LCOR: variants seen among roughly 807,000 people sequenced by gnomAD.
The protein encoded by LCOR is ligand dependent nuclear receptor corepressor, also known as ligand-dependent corepressor.
A neutral mutation model predicts 64.4 loss-of-function variants in LCOR; 14 were observed. The observed-to-expected ratio is 0.22, with a 90% CI of 0.14 to 0.34. The LOEUF (loss-of-function observed/expected upper bound fraction) is 0.34. Ranked by LOEUF, LCOR falls within the 10% of genes least tolerant of loss-of-function variation. The pLI is 1.00. For synonymous variants in LCOR, 643 were observed against 642.5 expected (o/e 1.00, Z -0.01); for missense variants, 1,686 against 1,765.3 (o/e 0.96, Z 0.80).
At chr10:96,838,241 A>G (rs1190390544) in intron 2 of LCOR, among the ~76,000 whole-genome samples, 1 of 152,168 alleles carries the variant, frequency 6.6e-6, no homozygotes, top group East Asian at 1.9e-4. Context: ...AGTTATTTCA[A>G]ATACAAGGTT....
intron 4 of LCOR, chr10:96,915,520 CTAAA>C (rs929978790): frequency 3.4e-5 from 17 of 499,976 alleles, no homozygotes; most frequent in Middle Eastern, 6.2e-4. Flanking sequence ...ACTCCGTCTC[CTAAA>C]TAAATAAATA....
At chr10:96,837,590 A>G (rs1018435684) in intron 2 of LCOR, among the ~76,000 whole-genome samples, 1 of 152,172 alleles carries the variant, frequency 6.6e-6, no homozygotes, top group African/African-American at 2.4e-5. Context: ...TACAGGGACA[A>G]TATTATCATC....
chr10:96,842,595 A>C (rs1389764677), intron 2 of LCOR, among the ~76,000 whole-genome samples: 2 of 151,464 alleles, frequency 1.3e-5, no homozygotes, highest in African/African-American at 4.8e-5. Flanking sequence ...TTGATACAAA[A>C]ATTTTCTAAA....
At chr10:96,877,178 A>G (rs910486086) in intron 2 of LCOR, among the ~76,000 whole-genome samples, 2 of 152,162 alleles carry the variant, frequency 1.3e-5, no homozygotes, top group African/African-American at 4.8e-5. Context: ...AAAAATGGCT[A>G]CAATGGATTT....
In LCOR at chr10:96,915,918, G is replaced by A. The variant is rs115033127; in HGVS notation, c.-184+8171G>A. On this transcript the variant is annotated intron_variant, in intron 4 of 7. Transcript: ENST00000421806. ...CTCTAGGCATATTGGCAGCGACGGC[G>A]GCAGGATGTAGGTGCTAGGCGCAGG... 8.2e-3 allele frequency: 3,281 copies of A among 400,726 alleles called. 80 individuals are homozygous for A. Among genetic ancestry groups the A allele is most frequent in the African/African-American group, 0.058 (2,810 of 48,214 alleles). The allele number at this position is 400,726 out of a possible 1,614,324, so 24.8% of individuals were successfully genotyped here.
intron 4 of LCOR, among the ~76,000 whole-genome samples, chr10:96,930,372 T>C (rs1847236722): frequency 1.3e-5 from 2 of 152,366 alleles, no homozygotes; most frequent in South Asian, 4.1e-4. Flanking sequence ...GATCTTTCTT[T>C]ATAAAGTTTA....
intron 2 of LCOR, among the ~76,000 whole-genome samples, chr10:96,843,927 T>C (rs937437996): frequency 6.6e-6 from 1 of 152,218 alleles, no homozygotes; most frequent in Non-Finnish European, 1.5e-5. Context: ...GAGCATTTAC[T>C]GTGTGACAGA....
At chr10:96,937,507 T>G (rs1847371468) in intron 4 of LCOR, among the ~76,000 whole-genome samples, 1 of 152,166 alleles carries the variant, frequency 6.6e-6, no homozygotes, top group African/African-American at 2.4e-5. Context: ...TTCACTGGTA[T>G]ATATATTTTT....
chr10:96,928,280 A>G (rs1207217923), intron 4 of LCOR, among the ~76,000 whole-genome samples: 1 of 152,250 alleles, frequency 6.6e-6, no homozygotes, highest in African/African-American at 2.4e-5. Flanking sequence ...TGCTGTATCA[A>G]CTAAGTTTGC....
intron 7 of LCOR, chr10:96,958,099 C>T: frequency 9.0e-7 from 1 of 1,108,602 alleles, no homozygotes; most frequent in Non-Finnish European, 1.1e-6. Flanking sequence ...TGTCAGCACA[C>T]AATTAATTGC....
At chr10:96,956,425 AAAG>A in intron 7 of LCOR, 1 of 985,300 alleles carries the variant, frequency 1.0e-6, no homozygotes, top group African/African-American at 1.7e-5. Context: ...GGATTAAACT[AAAG>A]AAAAAACTAA....
intron 2 of LCOR, among the ~76,000 whole-genome samples, chr10:96,835,490 T>C (rs1380653817): frequency 6.6e-6 from 1 of 152,186 alleles, no homozygotes; most frequent in East Asian, 1.9e-4. Flanking sequence ...TAATTTTGTT[T>C]TTTAAGAGGA....
chr10:96,844,726 C>T lies in LCOR; in HGVS notation c.-330+11247C>T, dbSNP rs538833203. On this transcript the variant is annotated intron_variant, in intron 2 of 7. Transcript: ENST00000421806. The stretch of plus-strand genomic sequence containing the variant: ...TCTTCACCATTAACTGAGATTGGAG[C>T]GTAGGCTTAGGAGAGGGAAAGGCAG... Among the ~76,000 whole-genome samples the T allele has an allele frequency of 3.3e-5, 5 of 152,238 alleles. No individual in the cohort carries two copies. In the East Asian group the frequency reaches 5.8e-4, roughly 18 times the overall value.
chr10:96,898,035 C>T (rs1295501377), intron 2 of LCOR, among the ~76,000 whole-genome samples: 1 of 152,026 alleles, frequency 6.6e-6, no homozygotes, highest in African/African-American at 2.4e-5. Context: ...TGTTTGCATT[C>T]ATCCAACAAA....
At chr10:96,881,177 A>G (rs1846257087) in intron 2 of LCOR, among the ~76,000 whole-genome samples, 1 of 152,280 alleles carries the variant, frequency 6.6e-6, no homozygotes, top group East Asian at 1.9e-4. Flanking sequence ...CCTGGAGAGG[A>G]GAGTACGTAG....
intron 5 of LCOR, among the ~76,000 whole-genome samples, chr10:96,946,508 A>C (rs1429096569): frequency 6.6e-6 from 1 of 152,058 alleles, no homozygotes; most frequent in Non-Finnish European, 1.5e-5. Context: ...TTGCATTTTA[A>C]GATACACAGG....
chr10:96,964,522 C>T (rs979542840), intron 7 of LCOR: 1 of 151,846 alleles, frequency 6.6e-6, no homozygotes, highest in Non-Finnish European at 1.5e-5. Context: ...GATTGTACTC[C>T]AACTGTAAAT....
intron 2 of LCOR, 50 bp downstream of exon 2, chr10:96,833,529 A>C: frequency 1.2e-6 from 1 of 802,240 alleles, no homozygotes. Context: ...CCCTAGCCCC[A>C]GTCCATCCTT....
intron 5 of LCOR, among the ~76,000 whole-genome samples, chr10:96,946,869 G>C (rs891727923): frequency 6.6e-6 from 1 of 151,974 alleles, no homozygotes; most frequent in Non-Finnish European, 1.5e-5. Flanking sequence ...TAAACACAGA[G>C]GCATCGCATA....
Sources: gnomAD v4.1 joint callset for allele counts (sites outside exome capture counted in the v4.1 genomes callset) on GRCh38, gnomAD v4.1.1 for gene constraint, MANE v1.5 for transcripts, NCBI Gene and HGNC (gene_info 2026-07-23, HGNC 2026-07-21) for gene names.